SNX29: variants seen among roughly 807,000 people sequenced by gnomAD.
The protein encoded by SNX29 is sorting nexin-29.
In SNX29, 78 loss-of-function variants were observed where a neutral mutation model predicts 102.1. The observed-to-expected ratio is 0.76, with a 90% confidence interval of 0.64 to 0.92. The LOEUF is 0.92. Among genes scored for constraint, SNX29 ranks in the 40% least tolerant of loss-of-function variants. The pLI, the probability that SNX29 is intolerant of heterozygous loss-of-function variation, is 0.00. For missense variants in SNX29, 1,280 were observed against 1,061.7 expected, an observed-to-expected ratio of 1.21 and a Z score of -2.86; for synonymous variants, 580 against 414.5, an observed-to-expected ratio of 1.40 and a Z score of -4.85.
At chr16:12,121,656 C>G (rs2053978505) in intron 11 of SNX29, among the ~76,000 whole-genome samples, 1 of 152,210 alleles carries the variant, frequency 6.6e-6, no homozygotes. Flanking sequence ...TTGCTGGCTC[C>G]CCTTTTTGGT....
At chr16:12,479,027 G>C (rs1470113024) in intron 19 of SNX29, among the ~76,000 whole-genome samples, 1 of 152,220 alleles carries the variant, frequency 6.6e-6, no homozygotes. Context: ...TATTGAGCAT[G>C]ATCTCTCTGC....
intron 18 of SNX29, among the ~76,000 whole-genome samples, chr16:12,425,239 T>A (rs1194324297): frequency 5.3e-5 from 8 of 151,766 alleles, no homozygotes; most frequent in African/African-American, 1.9e-4. Context: ...AAGTGAGGGG[T>A]CAGGAGAGAG....
chr16:12,279,796 CTGAA>C (rs1188268716), intron 15 of SNX29, among the ~76,000 whole-genome samples: 1 of 152,178 alleles, frequency 6.6e-6, no homozygotes, highest in Non-Finnish European at 1.5e-5. Flanking sequence ...TCTGGATTTA[CTGAA>C]TGAATGAATG....
intron 18 of SNX29, among the ~76,000 whole-genome samples, chr16:12,447,008 A>T (rs972640842): frequency 6.6e-6 from 1 of 151,660 alleles, no homozygotes; most frequent in Non-Finnish European, 1.5e-5. Context: ...CTACTATAAT[A>T]TAAAAAAAAT....
chr16:12,201,198 G>T (rs1387935768), intron 14 of SNX29, among the ~76,000 whole-genome samples: 1 of 152,154 alleles, frequency 6.6e-6, no homozygotes. Context: ...ATCTTTCTCT[G>T]TGGCCTCATG....
At chr16:12,033,896 T>C (rs1425300364) in intron 4 of SNX29, among the ~76,000 whole-genome samples, 3 of 152,152 alleles carry the variant, frequency 2.0e-5, no homozygotes, top group African/African-American at 7.2e-5. Flanking sequence ...CTCATCCTTG[T>C]AGCTCTAGTG....
chr16:12,109,277 G>T (rs2053406716), intron 11 of SNX29, among the ~76,000 whole-genome samples: 1 of 152,024 alleles, frequency 6.6e-6, no homozygotes, highest in African/African-American at 2.4e-5. Flanking sequence ...GCATAGAGCA[G>T]CAGATGGGGA....
chr16:12,542,672 G>A (rs888702246), intron 20 of SNX29, among the ~76,000 whole-genome samples: 4 of 152,200 alleles, frequency 2.6e-5, no homozygotes, highest in East Asian at 1.9e-4. Flanking sequence ...GCAGCGTGTT[G>A]GGAACATGGA....
At chr16:12,043,656 G>A (rs148329193) in intron 5 of SNX29, among the ~76,000 whole-genome samples, 11 of 152,066 alleles carry the variant, frequency 7.2e-5, no homozygotes, top group South Asian at 2.1e-4. Flanking sequence ...CATGCCAGGT[G>A]CAGAATTTTA....
chr16:12,382,765 C>G (rs185653077), intron 16 of SNX29, among the ~76,000 whole-genome samples: 1 of 152,156 alleles, frequency 6.6e-6, no homozygotes, highest in Non-Finnish European at 1.5e-5. Flanking sequence ...CTTCTAGCCT[C>G]GGGTGGCTCC....
chr16:12,137,121 C>T (rs1383340190), intron 13 of SNX29, among the ~76,000 whole-genome samples: 1 of 152,188 alleles, frequency 6.6e-6, no homozygotes, highest in Admixed American at 6.5e-5. Context: ...GTCCCCAAGG[C>T]AAGCAGCGGG....
intron 20 of SNX29, among the ~76,000 whole-genome samples, chr16:12,535,219 A>G (rs560580232): frequency 6.6e-6 from 1 of 152,060 alleles, no homozygotes; most frequent in East Asian, 1.9e-4. Flanking sequence ...GCTCACTGCA[A>G]CCTCTGCCTC....
At chr16:12,539,379 G>A (rs529319809) in intron 20 of SNX29, among the ~76,000 whole-genome samples, 3 of 152,170 alleles carry the variant, frequency 2.0e-5, no homozygotes, top group African/African-American at 7.2e-5. Flanking sequence ...CTTGAGGCTG[G>A]CGTCTTTCAG....
At chr16:12,554,328 G>C (rs1410553354) in intron 20 of SNX29, among the ~76,000 whole-genome samples, 1 of 152,128 alleles carries the variant, frequency 6.6e-6, no homozygotes, top group Non-Finnish European at 1.5e-5. Flanking sequence ...AATGGGACCA[G>C]ATGTCTTTTG....
chr16:12,535,548 G>T (rs1392637402), intron 20 of SNX29, among the ~76,000 whole-genome samples: 1 of 152,218 alleles, frequency 6.6e-6, no homozygotes, highest in East Asian at 1.9e-4. Flanking sequence ...TCACAGCTGG[G>T]ACGTGGCAGC....
chr16:12,343,462 T>C (rs1201280470), intron 15 of SNX29, among the ~76,000 whole-genome samples: 1 of 152,202 alleles, frequency 6.6e-6, no homozygotes, highest in African/African-American at 2.4e-5. Context: ...CTCGATACGA[T>C]GGAGCCCCAC....
At chr16:12,290,603 A>C (rs868317190) in intron 15 of SNX29, among the ~76,000 whole-genome samples, 7 of 152,194 alleles carry the variant, frequency 4.6e-5, no homozygotes, top group African/African-American at 1.7e-4. Context: ...GTTGCAGAAT[A>C]AAAAAACTTG....
chr16:12,519,568 C>A (rs1240342640), intron 19 of SNX29, among the ~76,000 whole-genome samples: 1 of 152,136 alleles, frequency 6.6e-6, no homozygotes, highest in Non-Finnish European at 1.5e-5. Context: ...AATGTCATGA[C>A]TATAATTTAC....
At chr16:12,550,169 A>G (rs2077879777) in intron 20 of SNX29, among the ~76,000 whole-genome samples, 1 of 152,238 alleles carries the variant, frequency 6.6e-6, no homozygotes, top group African/African-American at 2.4e-5. Flanking sequence ...TGATATGGAA[A>G]AAATCTCCAT....
Sources: allele counts gnomAD v4.1 joint callset (sites outside exome capture counted in the v4.1 genomes callset), GRCh38; gene constraint gnomAD v4.1.1; transcripts MANE v1.5; gene names NCBI Gene and HGNC (gene_info 2026-07-23, HGNC 2026-07-21).